The following RFX2 variants were observed in gnomAD, a reference collection of about 807,000 sequenced individuals.
RFX2 encodes DNA-binding protein RFX2.
RFX2 carries 20 observed loss-of-function variants against 87.8 expected under a neutral mutation model. The ratio of observed to expected loss-of-function variants is 0.23; its 90% CI spans 0.16 to 0.33. The LOEUF is 0.33. Ranked by LOEUF, RFX2 falls within the 10% of genes least tolerant of loss-of-function variation. RFX2 has a pLI of 1.00. For missense variants in RFX2, 767 were observed against 1,012.3 expected (o/e 0.76, Z 3.29); for synonymous variants, 397 against 431.3 (o/e 0.92, Z 0.98).
chr19:6,042,133 C>T lies in RFX2; in HGVS notation c.181-10G>A, dbSNP rs747091474. ...GCTGCACCGGCTGCACCTGAAACAT[C>T]GGATACGCTGCGTTACCGCCAGTCA... On this transcript the variant is annotated splice_polypyrimidine_tract_variant and intron_variant, in intron 3 of 17. Transcript: ENST00000303657. 12 of 1,613,188 alleles carry T rather than the reference C, an allele frequency of 7.4e-6. No homozygotes were observed. The highest frequency in any genetic ancestry group is 2.2e-5 in the East Asian group (1 of 44,884).
chr19:6,008,858 T>G lies in RFX2; in HGVS notation c.1016-634A>C, dbSNP rs565011218. Among the ~76,000 whole-genome samples the G allele has an allele frequency of 2.0e-5, 3 of 151,832 alleles. No individual in the cohort carries two copies. In the South Asian group the frequency reaches 6.2e-4, roughly 32 times the overall value. On this transcript the variant is annotated intron_variant, in intron 9 of 17. Transcript: ENST00000303657. Reference sequence around the variant, plus strand: ...ACGCCTGGCTAAGTTTGTATTTTTTTTGGTAGAGATGGGGTTTCGCCATGT... The same window carrying G: ...ACGCCTGGCTAAGTTTGTATTTTTTGTGGTAGAGATGGGGTTTCGCCATGT...
At chr19:6,089,843 A>G (rs1013039579) in intron 1 of RFX2, among the ~76,000 whole-genome samples, 1 of 152,066 alleles carries the variant, frequency 6.6e-6, no homozygotes, top group Non-Finnish European at 1.5e-5. Flanking sequence ...TGTGCTGGGG[A>G]CCTTCATGAT....
chr19:6,108,309 A>T (rs2088252294), intron 1 of RFX2, among the ~76,000 whole-genome samples: 2 of 152,200 alleles, frequency 1.3e-5, no homozygotes. Context: ...AGGTTATTTT[A>T]GAGTCAGTTC....
At chr19:6,103,088 C>T (rs75538665) in intron 1 of RFX2, among the ~76,000 whole-genome samples, 92 of 152,322 alleles carry the variant, frequency 6.0e-4, no homozygotes, top group African/African-American at 2.1e-3. Context: ...CACATCTGGG[C>T]TTCATTATGT....
At chr19:6,095,066 C>T (rs1599929367) in intron 1 of RFX2, among the ~76,000 whole-genome samples, 2 of 152,104 alleles carry the variant, frequency 1.3e-5, no homozygotes, top group Admixed American at 6.5e-5. Context: ...GAGCCGAGAT[C>T]GCGCCACCGC....
At chr19:6,066,879 CCAAA>C (rs2087520777) in intron 1 of RFX2, among the ~76,000 whole-genome samples, 1 of 152,282 alleles carries the variant, frequency 6.6e-6, no homozygotes, top group African/African-American at 2.4e-5. Context: ...ACTTCCCAAA[CCAAA>C]CAATGTCATC....
intron 1 of RFX2, among the ~76,000 whole-genome samples, chr19:6,076,046 T>A (rs622574): frequency 0.015 from 2,345 of 152,194 alleles, 49 homozygotes; most frequent in African/African-American, 0.053. Flanking sequence ...TCACAAAAAA[T>A]TAGAAACGAG....
At position 6,074,946 on chromosome 19, in the gene RFX2, T is replaced by G. The variant is rs1025924900; in HGVS notation, c.-8-27442A>C. On this transcript the variant is annotated intron_variant, in intron 1 of 17. Coordinates refer to ENST00000303657, the MANE Select transcript of RFX2 (RefSeq NM_000635.4). This position sits in a 1 kb window ranked among gnomAD's most constrained non-coding sequence, Gnocchi z 5.2. Reference sequence around the variant, plus strand: ...AACTCCTCACCCCAAGGCAGTAGCTTTAGGAGGTGGGGCCTTTGGGAGGTG... The same window carrying G: ...AACTCCTCACCCCAAGGCAGTAGCTGTAGGAGGTGGGGCCTTTGGGAGGTG... Among the ~76,000 whole-genome samples the G allele has an allele frequency of 6.6e-6, 1 of 151,984 alleles. No individual in the cohort carries two copies. The highest frequency in any genetic ancestry group is 2.4e-5 in the African/African-American group (1 of 41,352).
At chr19:6,090,151 A>G (rs2087912834) in intron 1 of RFX2, among the ~76,000 whole-genome samples, 1 of 152,056 alleles carries the variant, frequency 6.6e-6, no homozygotes, top group Non-Finnish European at 1.5e-5. Context: ...AATTTTTCAT[A>G]GAGACAGGGT....
chr19:6,035,847 G>GT (rs2087014613), intron 5 of RFX2, among the ~76,000 whole-genome samples: 2 of 118,770 alleles, frequency 1.7e-5, no homozygotes, highest in African/African-American at 4.7e-5. Context: ...GAGCTTGGTG[G>GT]GGGGTGTGTG....
chr19:6,012,899 T>C lies in RFX2; in HGVS notation c.899+87A>G, dbSNP rs1433316160. ...CAGGATGCTGGAGACTGGGGAGTTATGATGAGTTTGTTTCGTGTTGGAGAA... is the reference window on the plus strand; with the variant it reads ...CAGGATGCTGGAGACTGGGGAGTTACGATGAGTTTGTTTCGTGTTGGAGAA... On this transcript the variant is annotated intron_variant, in intron 8 of 17. Coordinates refer to ENST00000303657, the MANE Select transcript of RFX2 (RefSeq NM_000635.4). This position sits in a 1 kb window ranked among gnomAD's most constrained non-coding sequence, Gnocchi z 4.6. 7.7e-7 allele frequency: 1 copy of C among 1,297,346 alleles called. No homozygotes were observed. Among genetic ancestry groups the C allele is most frequent in the Non-Finnish European group, 1.0e-6 (1 of 998,452 alleles). 80.4% of individuals were successfully genotyped at this position (1,297,346 alleles called of 1,614,324 possible).
intron 1 of RFX2, among the ~76,000 whole-genome samples, chr19:6,065,982 G>C (rs2087503803): frequency 6.6e-6 from 1 of 151,942 alleles, no homozygotes; most frequent in Non-Finnish European, 1.5e-5. Context: ...CCCTGGCAGT[G>C]GGGGCGGGGG....
chr19:6,004,185 C>A lies in RFX2; in HGVS notation c.1500+16G>T, dbSNP rs893799372. On this transcript the variant is annotated intron_variant, in intron 13 of 17. Transcript: ENST00000303657. This position sits in a 1 kb window ranked among gnomAD's most constrained non-coding sequence, Gnocchi z 4.8. ...CCAGCCATCGTTGGGGAGCCCAGGC[C>A]CCACCCCGGACGCACCTTGGTCTGG... 6.2e-7 allele frequency: 1 copy of A among 1,602,962 alleles called. No individual in the cohort carries two copies.
Position 6,073,512 on chromosome 19 carries a change from G to A in RFX2, c.-8-26008C>T, listed in dbSNP as rs10412321. The A allele has an allele frequency of 1.6e-3, 1,166 of 739,618 alleles. 12 individuals carry two copies. In the African/African-American group the frequency reaches 0.02, roughly 12 times the overall value. 45.8% of individuals were successfully genotyped at this position (739,618 alleles called of 1,614,324 possible). On this transcript the variant is annotated intron_variant, in intron 1 of 17. Transcript: ENST00000303657. ...GTCACCAACCCCAATGCCAGGCTGC[G>A]CAGTGAAGAAAATGAGTAGACGGCT...
chr19:6,102,252 C>T lies in RFX2; in HGVS notation c.-9+8141G>A, dbSNP rs2088138669. ...GGGACAGCTGGCCTCCCCACTTTGTCTGCCCTCTGTGCCCTGTAGAAACAT... is the reference window on the plus strand; with the variant it reads ...GGGACAGCTGGCCTCCCCACTTTGTTTGCCCTCTGTGCCCTGTAGAAACAT... On this transcript the variant is annotated intron_variant, in intron 1 of 17. Transcript: ENST00000303657. 2.6e-5 allele frequency among the ~76,000 whole-genome samples: 4 copies of T among 152,244 alleles called. No individual in the cohort carries two copies. In the South Asian group the frequency reaches 8.3e-4, roughly 32 times the overall value.
intron 13 of RFX2, among the ~76,000 whole-genome samples, chr19:6,003,650 G>A (rs956534712): frequency 2.0e-5 from 3 of 151,820 alleles, no homozygotes; most frequent in Non-Finnish European, 4.4e-5. Context: ...GTGGTGGCGG[G>A]CACCTGTAAT....
At chr19:6,076,155 C>T (rs1338782529) in intron 1 of RFX2, among the ~76,000 whole-genome samples, 1 of 152,158 alleles carries the variant, frequency 6.6e-6, no homozygotes, top group Non-Finnish European at 1.5e-5. Context: ...GCCTGGCCAA[C>T]ATGGCGAAAC....
At chr19:6,029,935 C>G (rs1230379485) in intron 5 of RFX2, among the ~76,000 whole-genome samples, 2 of 152,096 alleles carry the variant, frequency 1.3e-5, no homozygotes, top group Non-Finnish European at 2.9e-5. Flanking sequence ...ATTACCCAGT[C>G]TGAGGAGCGG....
intron 1 of RFX2, among the ~76,000 whole-genome samples, chr19:6,065,759 A>G (rs2087500862): frequency 6.6e-6 from 1 of 152,234 alleles, no homozygotes; most frequent in African/African-American, 2.4e-5. Flanking sequence ...GGCATTCAGC[A>G]ACAAAGTGAA....
Sources: allele counts gnomAD v4.1 joint callset (sites outside exome capture counted in the v4.1 genomes callset), GRCh38; gene constraint gnomAD v4.1.1; non-coding constraint Gnocchi (gnomAD v3.1); transcripts MANE v1.5; gene names NCBI Gene and HGNC (gene_info 2026-07-23, HGNC 2026-07-21).